The following LIPM variants were observed in gnomAD, a reference collection of about 807,000 sequenced individuals.
LIPM encodes lipase family member M.
LIPM carries 42 observed loss-of-function variants against 42.4 expected under a neutral mutation model. The ratio of observed to expected loss-of-function variants is 0.99; its 90% CI spans 0.77 to 1.28. LIPM has a LOEUF of 1.28. Ranked by LOEUF, LIPM falls within the 50% of genes most tolerant of loss-of-function variation. The pLI, the probability that LIPM is intolerant of heterozygous loss-of-function variation, is 0.00. For missense variants in LIPM, 524 were observed against 520.1 expected, an observed-to-expected ratio of 1.01 and a Z score of -0.07; for synonymous variants, 177 against 173.3, an observed-to-expected ratio of 1.02 and a Z score of -0.17.
Position 88,820,235 on chromosome 10 carries a change from A to C in LIPM, c.1006A>C (p.Thr336Pro). ...AAGAACTATTCCTTTTCTCTAGCCAACTCCTGTAAGGTACAGAGTCAGAGA... is the reference window on the plus strand; with the variant it reads ...AAGAACTATTCCTTTTCTCTAGCCACCTCCTGTAAGGTACAGAGTCAGAGA... ...TKNLEKCNQP[T>P]PVRYRVRDMT... is the part of the protein sequence containing the mutation. Residue 336 changes from threonine to proline, a missense_variant, in exon 9 of 9, where the codon ACT becomes CCT. By Grantham distance (38) the Thr-to-Pro change is conservative. Coordinates refer to ENST00000404743, the MANE Select transcript of LIPM (RefSeq NM_001128215.1). The C allele has an allele frequency of 6.5e-7, 1 of 1,548,672 alleles. No individual in the cohort carries two copies. Among genetic ancestry groups the C allele is most frequent in the Non-Finnish European group, 8.7e-7 (1 of 1,145,894 alleles).
rs949215481 is a variant in LIPM, at chr10:88,808,295, T to C, written c.148-3T>C. ...CCTAAAAGAAATTGTGCTTTTTCCA[T>C]AGAGTGAAATCATCCAACATCAAGG... On this transcript the variant is annotated splice_polypyrimidine_tract_variant and splice_region_variant and intron_variant, in intron 1 of 8. Transcript: ENST00000404743. 2.6e-6 allele frequency: 4 copies of C among 1,521,584 alleles called. No homozygotes were observed. Among genetic ancestry groups the C allele is most frequent in the African/African-American group, 1.4e-5 (1 of 72,452 alleles). The allele number at this position is 1,521,584 out of a possible 1,614,324, so 94.3% of individuals were successfully genotyped here. A position where few individuals can be genotyped will look rare whatever the true frequency, so the allele number is the denominator to read the frequency against.
intron 2 of LIPM, among the ~76,000 whole-genome samples, chr10:88,812,381 C>G (rs1351703760): frequency 6.6e-6 from 1 of 152,074 alleles, no homozygotes; most frequent in East Asian, 1.9e-4. Flanking sequence ...ATGTAGTATT[C>G]TGTCTTTAAA....
At chr10:88,811,906 A>G (rs1471051390) in intron 2 of LIPM, among the ~76,000 whole-genome samples, 8 of 149,922 alleles carry the variant, frequency 5.3e-5, no homozygotes. Context: ...GTTAGAAAAC[A>G]AACATTGATT....
rs1233235490 is a variant in LIPM at position 88,817,946 on chromosome 10, T to C, written c.1002+50T>C. On this transcript the variant is annotated intron_variant, in intron 8 of 8. Coordinates refer to ENST00000404743, the MANE Select transcript of LIPM (RefSeq NM_001128215.1). Reference sequence around the variant, plus strand: ...TGAAAATATATACATTGGAAATGTATGACAGGGACGTTATAATGACAGTTT... The same window carrying C: ...TGAAAATATATACATTGGAAATGTACGACAGGGACGTTATAATGACAGTTT... The C allele has an allele frequency of 2.2e-6, 3 of 1,335,296 alleles. No individual in the cohort carries two copies. In the African/African-American group the frequency reaches 4.4e-5, roughly 19 times the overall value. 82.7% of individuals were successfully genotyped at this position (1,335,296 alleles called of 1,614,324 possible). A position where few individuals can be genotyped will look rare whatever the true frequency, so the allele number is the denominator to read the frequency against.
At position 88,813,219 on chromosome 10, in the gene LIPM, G is replaced by C. The variant is rs775171480; in HGVS notation, c.388G>C (p.Gly130Arg). 1 of 1,613,654 alleles carries C rather than the reference G, an allele frequency of 6.2e-7. No homozygotes were observed. Among genetic ancestry groups the C allele is most frequent in the Admixed American group, 1.7e-5 (1 of 59,952 alleles). Reference sequence around the variant, plus strand: ...AGATGCTGGTTTTGACGTGTGGATGGGGAACAGCAGGGGAAACGCCTGGTC... The same window carrying C: ...AGATGCTGGTTTTGACGTGTGGATGCGGAACAGCAGGGGAAACGCCTGGTC... ...LADAGFDVWM[G>R]NSRGNAWSRK... The change falls in exon 3 of 9, where the codon GGG becomes CGG. Residue 130 changes from glycine to arginine, a missense_variant. Transcript: ENST00000404743.
At chr10:88,808,247 G>A (rs1343433333) in intron 1 of LIPM, 51 bp from the exon 2 acceptor site, 36 of 1,013,370 alleles carry the variant, frequency 3.6e-5, no homozygotes, top group Non-Finnish European at 5.2e-5. Context: ...GGATCATTGA[G>A]AATATGGCCA....
intron 2 of LIPM, among the ~76,000 whole-genome samples, chr10:88,810,741 A>G (rs1398451453): frequency 6.6e-6 from 1 of 152,228 alleles, no homozygotes; most frequent in Non-Finnish European, 1.5e-5. Context: ...TAAATTAAAT[A>G]GAAGACCTAG....
At chr10:88,814,334 G>A (rs926273412) in intron 3 of LIPM, among the ~76,000 whole-genome samples, 196 bp from the exon 4 acceptor site, 1 of 152,182 alleles carries the variant, frequency 6.6e-6, no homozygotes, top group Non-Finnish European at 1.5e-5. Flanking sequence ...ACAGCAGTTT[G>A]CTGACAGCCT....
intron 2 of LIPM, among the ~76,000 whole-genome samples, chr10:88,810,794 G>A (rs897728553): frequency 6.6e-6 from 1 of 152,112 alleles, no homozygotes; most frequent in African/African-American, 2.4e-5. Flanking sequence ...CTCTTGTTAG[G>A]GGAATCACAA....
rs1357240188 is a variant in LIPM at position 88,813,298 on chromosome 10, A to T, written c.464+3A>T. On this transcript the variant is annotated splice_donor_region_variant and intron_variant, in intron 3 of 8. Transcript: ENST00000404743. ...CAAGATGAGTTCTGGGCTTTCAGGTATATGATAATCTCGAGAACAGAGGTA... is the reference window on the plus strand; with the variant it reads ...CAAGATGAGTTCTGGGCTTTCAGGTTTATGATAATCTCGAGAACAGAGGTA... 3 of 1,578,986 alleles carry T rather than the reference A, an allele frequency of 1.9e-6. No individual in the cohort carries two copies. The highest frequency in any genetic ancestry group is 1.7e-6 in the Non-Finnish European group (2 of 1,159,740).
chr10:88,810,872 G>A (rs954111972), intron 2 of LIPM, among the ~76,000 whole-genome samples: 4 of 152,170 alleles, frequency 2.6e-5, no homozygotes, highest in African/African-American at 9.7e-5. Context: ...ACTCTCAAGG[G>A]GAGCATTGAT....
intron 3 of LIPM, 129 bp downstream of exon 3, chr10:88,813,424 C>A: frequency 1.4e-6 from 1 of 714,714 alleles, no homozygotes; most frequent in Non-Finnish European, 2.2e-6. Flanking sequence ...ATGATATCCC[C>A]CAGTTTTCTT....
intron 2 of LIPM, among the ~76,000 whole-genome samples, chr10:88,809,116 G>A (rs957432756): frequency 3.3e-5 from 5 of 151,762 alleles, no homozygotes; most frequent in Non-Finnish European, 5.9e-5. Context: ...CACCACACCT[G>A]GCTAATTTTT....
chr10:88,808,248 A>T, intron 1 of LIPM, 50 bp from the exon 2 acceptor site: 1 of 1,019,350 alleles, frequency 9.8e-7, no homozygotes, highest in Non-Finnish European at 1.5e-6. Flanking sequence ...GATCATTGAG[A>T]ATATGGCCAC....
At chr10:88,813,038 A>G in intron 2 of LIPM, 59 bp from the exon 3 acceptor site, 1 of 1,374,604 alleles carries the variant, frequency 7.3e-7, no homozygotes, top group Admixed American at 2.0e-5. Flanking sequence ...CTTATTCATT[A>G]CTGGACAACA....
At chr10:88,819,683 T>A (rs1380391296) in intron 8 of LIPM, among the ~76,000 whole-genome samples, 2 of 152,222 alleles carry the variant, frequency 1.3e-5, no homozygotes, top group Non-Finnish European at 2.9e-5. Flanking sequence ...GGTATTTAAC[T>A]TTTACTTCCC....
chr10:88,810,152 C>A (rs1043050390), intron 2 of LIPM, among the ~76,000 whole-genome samples: 3 of 152,178 alleles, frequency 2.0e-5, no homozygotes, highest in Admixed American at 1.3e-4. Flanking sequence ...GAACCAGTAA[C>A]TAAATGAGTG....
chr10:88,803,431 T>C (rs1350547658), intron 1 of LIPM, among the ~76,000 whole-genome samples: 2 of 152,198 alleles, frequency 1.3e-5, no homozygotes, highest in African/African-American at 4.8e-5. Context: ...GGTGTCAGCC[T>C]TTGCTTCTTG....
chr10:88,813,170 C>G lies in LIPM; in HGVS notation c.339C>G (p.Asn113Lys). The G allele has an allele frequency of 6.2e-7, 1 of 1,613,378 alleles. No individual in the cohort carries two copies. The highest frequency in any genetic ancestry group is 8.5e-7 in the Non-Finnish European group (1 of 1,179,650). The change falls in exon 3 of 9, where the codon AAC (asparagine) becomes AAG (lysine). Residue 113 changes from asparagine to lysine, a missense_variant. Transcript: ENST00000404743. ...GASNWISNLP[N>K]NSLGFILADA... ...GCAACTGGATTTCCAACCTGCCCAA[C>G]AATAGCCTGGGCTTCATTCTGGCAG... is the stretch of plus-strand genomic sequence containing the variant.
Sources: gnomAD v4.1 joint callset for allele counts (sites outside exome capture counted in the v4.1 genomes callset) on GRCh38, gnomAD v4.1.1 for gene constraint, MANE v1.5 for transcripts, NCBI Gene and HGNC (gene_info 2026-07-23, HGNC 2026-07-21) for gene names.